PCSK1: variants seen among roughly 807,000 people sequenced by gnomAD.
PCSK1 encodes the protein neuroendocrine convertase 1.
A neutral mutation model predicts 90.6 loss-of-function variants in PCSK1; 56 were observed. The observed-to-expected ratio is 0.62, with a 90% CI of 0.50 to 0.77. The LOEUF (loss-of-function observed/expected upper bound fraction) is 0.77, where lower values mean the gene tolerates loss of function less well. Ranked by LOEUF, PCSK1 falls within the 30% of genes least tolerant of loss-of-function variation. PCSK1 has a pLI of 0.00. For synonymous variants in PCSK1, 348 were observed against 342.4 expected, an observed-to-expected ratio of 1.02 and a Z score of -0.18; for missense variants, 801 against 932.6, an observed-to-expected ratio of 0.86 and a Z score of 1.84.
At chr5:96,397,308 GT>G in intron 12 of PCSK1, 27 bp downstream of exon 12, 1 of 1,604,602 alleles carries the variant, frequency 6.2e-7, no homozygotes. Context: ...GTAAGCTTGT[GT>G]TTTTTCATCC....
chr5:96,416,008 C>T (rs1561371719), intron 6 of PCSK1, 25 bp downstream of exon 6: 1 of 1,441,636 alleles, frequency 6.9e-7, no homozygotes, highest in South Asian at 1.1e-5. Context: ...AAATGCCAAG[C>T]TATAGGGACA....
At chr5:96,430,028 C>A (rs1184564115) in intron 1 of PCSK1, among the ~76,000 whole-genome samples, 1 of 152,188 alleles carries the variant, frequency 6.6e-6, no homozygotes, top group Non-Finnish European at 1.5e-5. Flanking sequence ...CCACTTTCCA[C>A]TAAAATAAAT....
At chr5:96,408,446 G>A (rs1412397886) in intron 8 of PCSK1, 123 bp from the exon 9 acceptor site, 1 of 723,892 alleles carries the variant, frequency 1.4e-6, no homozygotes, top group African/African-American at 1.7e-5. Context: ...TGATTCGATT[G>A]CCTACTTTCT....
intron 3 of PCSK1, among the ~76,000 whole-genome samples, 167 bp from the exon 4 acceptor site, chr5:96,423,626 A>G (rs184353897): frequency 7.2e-5 from 11 of 152,356 alleles, no homozygotes; most frequent in Admixed American, 7.2e-4. Context: ...GAGTAAGGCC[A>G]AATGAACCCC....
chr5:96,426,362 C>T (rs944018030), intron 2 of PCSK1, among the ~76,000 whole-genome samples: 1 of 152,162 alleles, frequency 6.6e-6, no homozygotes, highest in African/African-American at 2.4e-5. Flanking sequence ...ATTAATTTCT[C>T]TGTCTTTACA....
At chr5:96,394,266 G>A (rs982972110) in intron 13 of PCSK1, among the ~76,000 whole-genome samples, 1 of 152,216 alleles carries the variant, frequency 6.6e-6, no homozygotes, top group Non-Finnish European at 1.5e-5. Flanking sequence ...CCATCTGATA[G>A]AAGGAAGCCA....
chr5:96,408,142 A>T, intron 9 of PCSK1, 81 bp downstream of exon 9: 1 of 977,664 alleles, frequency 1.0e-6, no homozygotes, highest in Non-Finnish European at 1.6e-6. Flanking sequence ...TCCTGTAACC[A>T]TGTATTCAGA....
intron 2 of PCSK1, 148 bp from the exon 3 acceptor site, chr5:96,426,078 A>G (rs2112445680): frequency 1.5e-6 from 1 of 677,192 alleles, no homozygotes; most frequent in South Asian, 1.6e-5. Context: ...CACCTCAGTG[A>G]GAAGAAGGGA....
chr5:96,420,019 G>T (rs908109604), intron 5 of PCSK1, among the ~76,000 whole-genome samples: 3 of 152,140 alleles, frequency 2.0e-5, no homozygotes, highest in Admixed American at 6.5e-5. Context: ...GAAGGAGCCA[G>T]TGCCTCCATC....
chr5:96,424,216 A>T (rs781115580), intron 3 of PCSK1, among the ~76,000 whole-genome samples: 4 of 152,092 alleles, frequency 2.6e-5, no homozygotes, highest in Non-Finnish European at 4.4e-5. Flanking sequence ...CCACAATCAA[A>T]AGTGTCAGTG....
At chr5:96,430,070 C>T (rs1200711650) in intron 1 of PCSK1, among the ~76,000 whole-genome samples, 2 of 152,202 alleles carry the variant, frequency 1.3e-5, no homozygotes, top group African/African-American at 4.8e-5. Flanking sequence ...CCATTGAATT[C>T]ATAGTGATAA....
Position 96,417,698 on chromosome 5 carries a change from G to A in PCSK1, c.621-1577C>T, listed in dbSNP as rs151093715. Among the ~76,000 whole-genome samples, 62 of 152,272 alleles carry A rather than the reference G, an allele frequency of 4.1e-4. 1 individual carries two copies. The highest frequency in any genetic ancestry group is 1.5e-3 in the African/African-American group (62 of 41,554). ...CATCAGAAACTAGAACATCACTTGGGTGAATATTTTTAAAATCCCTTTGTT... is the reference window on the plus strand; with the variant it reads ...CATCAGAAACTAGAACATCACTTGGATGAATATTTTTAAAATCCCTTTGTT... On this transcript the variant is annotated intron_variant, in intron 5 of 13. Transcript: ENST00000311106.
intron 8 of PCSK1, 72 bp from the exon 9 acceptor site, chr5:96,408,395 CTG>C: frequency 1.9e-6 from 2 of 1,077,270 alleles, no homozygotes; most frequent in Non-Finnish European, 2.8e-6. Context: ...TGGGGGTTAA[CTG>C]TACCAAAGGC....
At chr5:96,409,164 A>C (rs1384161415) in intron 8 of PCSK1, among the ~76,000 whole-genome samples, 16 of 152,224 alleles carry the variant, frequency 1.1e-4, no homozygotes, top group Admixed American at 1.0e-3. Flanking sequence ...AACTGAAAAG[A>C]CTTCCTGTCT....
Position 96,429,214 on chromosome 5 carries a change from C to T in PCSK1, c.284G>A (p.Arg95His), listed in dbSNP as rs769203665. 13 of 1,455,234 alleles carry T rather than the reference C, an allele frequency of 8.9e-6. No individual in the cohort carries two copies. Among genetic ancestry groups the T allele is most frequent in the African/African-American group, 4.2e-5 (3 of 71,844 alleles). 90.1% of individuals were successfully genotyped at this position (1,455,234 alleles called of 1,614,324 possible). ...TGAAGACAAATGTACAACACTTACA[C>T]GATCATCATCAGATAATCTCTTAGT... ...HITKRLSDDD[R>H]VIWAEQQYEK... The change falls in exon 2 of 14, where the codon CGT becomes CAT. Residue 95 changes from arginine (R) to histidine (H), a missense_variant and splice_region_variant. Arg to His is a conservative substitution (Grantham distance 29). Transcript: ENST00000311106.
At position 96,393,119 on chromosome 5, in the gene PCSK1, T is replaced by C. The variant is rs769173446; in HGVS notation, c.2144A>G (p.Asp715Gly). 2.0e-5 allele frequency: 32 copies of C among 1,614,028 alleles called. No individual in the cohort carries two copies. The highest frequency in any genetic ancestry group is 2.6e-5 in the Non-Finnish European group (31 of 1,180,014). Reference protein sequence around the residue: ...EKLNKPSQLKDSEDSLYNDYV... With the variant: ...EKLNKPSQLKGSEDSLYNDYV... ...GTCATTATACAGACTGTCTTCAGAG[T>C]CTTTAAGCTGGGAAGGTTTGTTCAG... Residue 715 changes from aspartate to glycine, a missense_variant, in exon 14 of 14, where the codon GAC becomes GGC. By Grantham distance (94) the Asp-to-Gly change is moderately conservative. Coordinates refer to ENST00000311106, the MANE Select transcript of PCSK1 (RefSeq NM_000439.5).
At chr5:96,412,950 C>T (rs1760820924) in intron 6 of PCSK1, 2 of 1,026,056 alleles carry the variant, frequency 1.9e-6, no homozygotes, top group African/African-American at 3.5e-5. Flanking sequence ...CCAAGCAGCC[C>T]TCTGGTGATG....
At chr5:96,432,600 A>G (rs1761541404) in intron 1 of PCSK1, among the ~76,000 whole-genome samples, 1 of 152,162 alleles carries the variant, frequency 6.6e-6, no homozygotes, top group Admixed American at 6.5e-5. Flanking sequence ...ACGGATTTCA[A>G]TTCTAGAGCG....
At chr5:96,428,944 A>G (rs2112449780) in intron 2 of PCSK1, among the ~76,000 whole-genome samples, 1 of 152,268 alleles carries the variant, frequency 6.6e-6, no homozygotes, top group Non-Finnish European at 1.5e-5. Flanking sequence ...GTGTACATAT[A>G]AAATTAACTT....
Sources: gnomAD v4.1 joint callset for allele counts (sites outside exome capture counted in the v4.1 genomes callset) on GRCh38, gnomAD v4.1.1 for gene constraint, MANE v1.5 for transcripts, NCBI Gene and HGNC (gene_info 2026-07-23, HGNC 2026-07-21) for gene names.